The following ZNF880 variants were observed in gnomAD, a reference collection of about 807,000 sequenced individuals.
The protein encoded by ZNF880 is zinc finger protein 880, also known as zinc finger protein LOC400713.
In ZNF880, 12 loss-of-function variants were observed where a neutral mutation model predicts 11.8. The ratio of observed to expected loss-of-function variants is 1.02; its 90% CI spans 0.65 to 1.65. The LOEUF is 1.65. Among genes scored for constraint, ZNF880 ranks in the 40% most tolerant of loss-of-function variants. The probability of loss-of-function intolerance (pLI) is 0.00; values close to 1 mark genes in which losing one functional copy is unlikely to be tolerated. For missense variants in ZNF880, 601 were observed against 673.9 expected, an observed-to-expected ratio of 0.89 and a Z score of 1.20; for synonymous variants, 210 against 232.4, an observed-to-expected ratio of 0.90 and a Z score of 0.88.
In ZNF880 at chr19:52,384,660, C is replaced by T. The variant is rs759670857; in HGVS notation, c.1080C>T (p.Val360=). 2 of 1,611,710 alleles carry T rather than the reference C, an allele frequency of 1.2e-6. No homozygotes were observed. The highest frequency in any genetic ancestry group is 2.2e-5 in the South Asian group (2 of 90,880). ...ACAAATGTAATAAATGTGGCAAGGTCTTCAATCGAAATGCACACCTTACCA... is the reference window on the plus strand; with the variant it reads ...ACAAATGTAATAAATGTGGCAAGGTTTTCAATCGAAATGCACACCTTACCA... The part of the protein sequence containing the change: ...KLYKCNKCGK[V]FNRNAHLTRH... The change falls in exon 4 of 4, where the codon GTC becomes GTT. Residue 360 remains valine (V), a synonymous_variant. Transcript: ENST00000422689.
At chr19:52,394,068 T>C in the ZNF880 span, among the ~76,000 whole-genome samples, 1 of 152,060 alleles carries the variant, frequency 6.6e-6, no homozygotes, top group Non-Finnish European at 1.5e-5. Flanking sequence ...CTCGATCTCC[T>C]GACCTCGTAG....
chr19:52,391,457 G>A, the ZNF880 span: 5 of 149,792 alleles, frequency 3.3e-5, no homozygotes, highest in Admixed American at 2.7e-4. Flanking sequence ...ATAGAGGGAA[G>A]AGCAGGAGAA....
At chr19:52,388,639 T>G (rs35721330), downstream of ZNF880, among the ~76,000 whole-genome samples, 17,383 of 151,958 alleles carry the variant, frequency 0.11, 1,339 homozygotes, top group African/African-American at 0.22. Context: ...GTTTGTATTA[T>G]ATATTGAGAA....
chr19:52,385,307 A>G lies in ZNF880; in HGVS notation c.1727A>G (p.Tyr576Cys). 1 of 1,551,890 alleles carries G rather than the reference A, an allele frequency of 6.4e-7. No individual in the cohort carries two copies. The highest frequency in any genetic ancestry group is 8.7e-7 in the Non-Finnish European group (1 of 1,147,056). Residue 576 changes from tyrosine (Y) to cysteine (C), a missense_variant, in exon 4 of 4, where the codon TAC becomes TGC. Physicochemically the swap from Tyr to Cys is radical, Grantham distance 194. Coordinates refer to ENST00000422689, the MANE Select transcript of ZNF880 (RefSeq NM_001145434.2). Reference protein sequence around the residue: ...HHRIHTGEKPYR With the variant: ...HHRIHTGEKPCR ...AGAATCCATACTGGAGAGAAACCGT[A>G]CAGATGAAATGTGTGTGGTAAGATC...
At chr19:52,390,290 C>A, downstream of ZNF880, 1 of 368,464 alleles carries the variant, frequency 2.7e-6, no homozygotes, top group Non-Finnish European at 5.6e-6. Flanking sequence ...CCATCTGCTC[C>A]GCTCCCTCGT....
At chr19:52,396,589 T>C in the ZNF880 span, 1 of 152,316 alleles carries the variant, frequency 6.6e-6, no homozygotes, top group East Asian at 1.9e-4. Flanking sequence ...GGGCCTTATG[T>C]ATTTGTGTTT....
At chr19:52,383,798 G>A in intron 3 of ZNF880, 51 bp from the exon 4 acceptor site, 1 of 1,481,814 alleles carries the variant, frequency 6.7e-7, no homozygotes, top group Non-Finnish European at 9.0e-7. Flanking sequence ...GTCAGACACT[G>A]AACATGCCAT....
intron 1 of ZNF880, among the ~76,000 whole-genome samples, chr19:52,372,449 G>A (rs1244680834): frequency 6.7e-6 from 1 of 149,144 alleles, no homozygotes; most frequent in Non-Finnish European, 1.5e-5. Flanking sequence ...CACTACGCCT[G>A]GCTAATTTTT....
chr19:52,393,234 G>A, the ZNF880 span, among the ~76,000 whole-genome samples: 1 of 151,738 alleles, frequency 6.6e-6, no homozygotes, highest in Non-Finnish European at 1.5e-5. Context: ...CACCATCCTT[G>A]GCTAATTTCT....
At chr19:52,371,853 T>C (rs1421969105) in intron 1 of ZNF880, among the ~76,000 whole-genome samples, 1 of 152,116 alleles carries the variant, frequency 6.6e-6, no homozygotes, top group Non-Finnish European at 1.5e-5. Context: ...CGTTAGTACA[T>C]GTACAACATT....
rs751948970 is a variant in ZNF880, at chr19:52,384,019, C to G, written c.439C>G (p.Gln147Glu). The G allele has an allele frequency of 6.4e-7, 1 of 1,554,164 alleles. No homozygotes were observed. Among genetic ancestry groups the G allele is most frequent in the South Asian group, 1.2e-5 (1 of 84,392 alleles). Residue 147 changes from glutamine to glutamate, a missense_variant, in exon 4 of 4, where the codon CAA becomes GAA. Transcript: ENST00000422689. Reference protein sequence around the residue: ...PINNSLVSPLQKIYSSVKSHI... With the variant: ...PINNSLVSPLEKIYSSVKSHI... The stretch of plus-strand genomic sequence containing the variant: ...CAACAATTCCTTAGTTTCACCACTT[C>G]AAAAAATTTATTCTAGTGTCAAATC...
At chr19:52,383,303 AGATT>A (rs1159835560) in intron 3 of ZNF880, among the ~76,000 whole-genome samples, 2 of 152,108 alleles carry the variant, frequency 1.3e-5, no homozygotes, top group African/African-American at 4.8e-5. Flanking sequence ...TGTTTTGTGG[AGATT>A]GATTGATTGA....
At chr19:52,387,062 C>T (rs1986904911), downstream of ZNF880, among the ~76,000 whole-genome samples, 2 of 144,584 alleles carry the variant, frequency 1.4e-5, 1 homozygote, top group African/African-American at 5.4e-5. Flanking sequence ...AGTAATGCAA[C>T]ATTAATAGTA....
chr19:52,384,469 A>G lies in ZNF880; in HGVS notation c.889A>G (p.Lys297Glu). Residue 297 changes from lysine (K) to glutamate (E), a missense_variant, in exon 4 of 4, where the codon AAA (lysine) becomes GAA (glutamate). Around this residue, in one of 3 missense-constraint regions of ZNF880, gnomAD observed 420 missense variants for 442.6 expected, o/e 0.95. Transcript: ENST00000422689. The stretch of plus-strand genomic sequence containing the variant: ...AATCCACACTGGAGAGAAACCTTAC[A>G]AATGTAATGAGTGTGGCAAGGTCTT... ...HRIHTGEKPY[K>E]CNECGKVFNR... 1 of 1,614,206 alleles carries G rather than the reference A, an allele frequency of 6.2e-7. No homozygotes were observed. Among genetic ancestry groups the G allele is most frequent in the Non-Finnish European group, 8.5e-7 (1 of 1,180,028 alleles).
Position 52,384,602 on chromosome 19 carries a change from C to G in ZNF880, c.1022C>G (p.Ala341Gly). 1 of 1,611,824 alleles carries G rather than the reference C, an allele frequency of 6.2e-7. No homozygotes were observed. The highest frequency in any genetic ancestry group is 8.5e-7 in the Non-Finnish European group (1 of 1,179,154). ...KAFSGGSGLT[A>G]HLVIHTGEKL... ...TTTTCAGGGGGTTCAGGCCTTACTG[C>G]TCATCTTGTAATTCACACTGGAGAG... The change falls in exon 4 of 4, where the codon GCT becomes GGT. Residue 341 changes from alanine to glycine, a missense_variant. Coordinates refer to ENST00000422689, the MANE Select transcript of ZNF880 (RefSeq NM_001145434.2).
chr19:52,389,721 G>T (rs898185292), downstream of ZNF880: 1 of 152,246 alleles, frequency 6.6e-6, no homozygotes, highest in Non-Finnish European at 1.5e-5. Context: ...AGTCTGTGTG[G>T]GGGCTCCAAC....
downstream of ZNF880, among the ~76,000 whole-genome samples, chr19:52,387,074 A>G (rs1394471638): frequency 6.9e-6 from 1 of 144,508 alleles, no homozygotes; most frequent in Non-Finnish European, 1.5e-5. Flanking sequence ...TTAATAGTAA[A>G]TACTCTGCAA....
rs1347821622 is a variant in ZNF880, at chr19:52,369,942, A to G, written c.-24A>G. ...GCGCGCAGTTTCCTGGAGACCCGGA[A>G]GCAGATTACGTGGAGTGACGGTCAT... On this transcript the variant is annotated 5_prime_UTR_variant, in exon 1 of 4. Transcript: ENST00000422689. The G allele has an allele frequency of 6.4e-7, 1 of 1,551,600 alleles. No homozygotes were observed. The highest frequency in any genetic ancestry group is 8.7e-7 in the Non-Finnish European group (1 of 1,146,984).
At chr19:52,393,982 A>G in the ZNF880 span, among the ~76,000 whole-genome samples, 5,082 of 151,434 alleles carry the variant, frequency 0.034, 166 homozygotes, top group African/African-American at 0.087. Context: ...GACTACAGGC[A>G]CCCGCCACCA....
Sources: allele counts gnomAD v4.1 joint callset (sites outside exome capture counted in the v4.1 genomes callset), GRCh38; gene constraint gnomAD v4.1.1; regional missense constraint gnomAD v4.1.1; transcripts MANE v1.5; gene names NCBI Gene and HGNC (gene_info 2026-07-23, HGNC 2026-07-21).